The following MCTP1 variants were observed in gnomAD, a reference collection of about 807,000 sequenced individuals.
MCTP1 encodes the protein multiple C2 and transmembrane domain-containing protein 1.
In MCTP1, 69 loss-of-function variants were observed where a neutral mutation model predicts 120.6. That is an observed-to-expected ratio of 0.57 (90% confidence interval 0.47 to 0.70). The LOEUF is 0.70. Ranked by LOEUF, MCTP1 falls within the 30% of genes least tolerant of loss-of-function variation. The pLI is 0.00. For synonymous variants in MCTP1, 529 were observed against 493.1 expected (o/e 1.07, Z -0.96); for missense variants, 1,203 against 1,248.8 (o/e 0.96, Z 0.55).
rs573653605 is a variant in MCTP1 at position 94,847,205 on chromosome 5, C to G, written c.2436+21128G>C. Among the ~76,000 whole-genome samples, 7 of 152,286 alleles carry G rather than the reference C, an allele frequency of 4.6e-5. No homozygotes were observed. The East Asian group carries it at 1.4e-3, about 29-fold the overall frequency. On this transcript the variant is annotated intron_variant, in intron 17 of 22. Transcript: ENST00000515393. ...ATCCCCAGGTGATATGTATGTACAT[C>G]AAAGGCTGAGAAGCACTGTTCTAAG...
At chr5:94,830,457 A>G (rs953728562) in intron 17 of MCTP1, among the ~76,000 whole-genome samples, 15 of 152,214 alleles carry the variant, frequency 9.9e-5, no homozygotes, top group African/African-American at 3.4e-4. Context: ...GAATTTTAGG[A>G]TCTTCTACAG....
chr5:95,005,463 G>A (rs1004336081), intron 2 of MCTP1, among the ~76,000 whole-genome samples: 2 of 152,122 alleles, frequency 1.3e-5, no homozygotes, highest in African/African-American at 4.8e-5. Context: ...TTGGCTCTGT[G>A]TCCCCACCCC....
rs78367067 is a variant in MCTP1 at position 94,982,422 on chromosome 5, A to T, written c.839-29061T>A. On this transcript the variant is annotated intron_variant, in intron 2 of 22. Coordinates refer to ENST00000515393, the MANE Select transcript of MCTP1 (RefSeq NM_024717.7). ...TCGAGCACATAATGAGATAGCCATC[A>T]TTTCAAGCTGGTGGTAAATGTCTTT... is the stretch of plus-strand genomic sequence containing the variant. Among the ~76,000 whole-genome samples the T allele has an allele frequency of 6.1e-4, 93 of 152,282 alleles. 2 individuals are homozygous for T. The East Asian group carries it at 0.013, about 21-fold the overall frequency.
chr5:95,035,367 T>C (rs923931303), intron 1 of MCTP1, among the ~76,000 whole-genome samples: 2 of 152,008 alleles, frequency 1.3e-5, no homozygotes, highest in Non-Finnish European at 2.9e-5. Flanking sequence ...GTACATATAT[T>C]ACATGGAATA....
At chr5:95,210,151 G>A (rs1204382082) in intron 1 of MCTP1, among the ~76,000 whole-genome samples, 1 of 152,172 alleles carries the variant, frequency 6.6e-6, no homozygotes, top group Non-Finnish European at 1.5e-5. Context: ...TGTATATTCT[G>A]TTGATTTGGG....
At position 94,888,952 on chromosome 5, in the gene MCTP1, G is replaced by A. The variant is rs1346692237; in HGVS notation, c.1860C>T (p.His620=). The part of the protein sequence containing the change: ...LKRYSPLRIF[H]NLKDVGFLQV... ...GGAGAAATCCCACATCTTTCAGGTT[G>A]TGAAATATCCTCAATGGGCTCTGAA... Residue 620 remains histidine (H), a synonymous_variant, in exon 12 of 23, where the codon CAC becomes CAT. Coordinates refer to ENST00000515393, the MANE Select transcript of MCTP1 (RefSeq NM_024717.7). The A allele has an allele frequency of 2.5e-6, 4 of 1,613,402 alleles. No homozygotes were observed.
chr5:94,978,705 G>C (rs575095030), intron 2 of MCTP1, among the ~76,000 whole-genome samples: 30 of 152,202 alleles, frequency 2.0e-4, no homozygotes, highest in Non-Finnish European at 3.7e-4. Flanking sequence ...AGTAGGGGTG[G>C]GGAATGGGGT....
intron 17 of MCTP1, among the ~76,000 whole-genome samples, chr5:94,825,735 G>T (rs1371789511): frequency 6.6e-6 from 1 of 150,984 alleles, no homozygotes; most frequent in African/African-American, 2.4e-5. Context: ...TGTATTGGGT[G>T]CATATATATA....
rs140793283 is a variant in MCTP1 at position 95,032,589 on chromosome 5, A to C, written c.721-15105T>G. Among the ~76,000 whole-genome samples, 390 of 152,206 alleles carry C rather than the reference A, an allele frequency of 2.6e-3. 2 individuals are homozygous for C. Among genetic ancestry groups the C allele is most frequent in the African/African-American group, 9.0e-3 (376 of 41,566 alleles). ...CGAACCTCTGGAATACAGCAAAAGC[A>C]GTGGTAAGAGGAAAGTTTGTAGTAA... On this transcript the variant is annotated intron_variant, in intron 1 of 22. Transcript: ENST00000515393.
intron 1 of MCTP1, among the ~76,000 whole-genome samples, chr5:95,151,490 C>G (rs1365343146): frequency 2.0e-5 from 3 of 152,124 alleles, no homozygotes; most frequent in Middle Eastern, 3.4e-3. Context: ...GCAATTCAAA[C>G]CCATGTTCTC....
chr5:94,943,721 GAA>G (rs1304939634), intron 3 of MCTP1, among the ~76,000 whole-genome samples: 2 of 151,914 alleles, frequency 1.3e-5, no homozygotes, highest in Non-Finnish European at 2.9e-5. Flanking sequence ...TTAAGGAAAA[GAA>G]GAGAGAACGA....
intron 1 of MCTP1, among the ~76,000 whole-genome samples, chr5:95,147,054 T>C (rs1328369987): frequency 6.6e-6 from 1 of 152,128 alleles, no homozygotes; most frequent in Non-Finnish European, 1.5e-5. Context: ...ATCTGGGTGC[T>C]ACGATGTTGG....
At chr5:94,775,045 G>T (rs1209919846) in intron 19 of MCTP1, among the ~76,000 whole-genome samples, 1 of 152,082 alleles carries the variant, frequency 6.6e-6, no homozygotes, top group East Asian at 1.9e-4. Context: ...CAGATTTCAA[G>T]AATTAAAGCA....
At chr5:94,832,298 C>G (rs1380737425) in intron 17 of MCTP1, among the ~76,000 whole-genome samples, 1 of 152,052 alleles carries the variant, frequency 6.6e-6, no homozygotes, top group Non-Finnish European at 1.5e-5. Flanking sequence ...CTTCCATTGC[C>G]AAGGGGGTTA....
At position 94,928,209 on chromosome 5, in the gene MCTP1, AACAC is replaced by A. The variant is rs60502360; in HGVS notation, c.1212+3740_1212+3743del. Among the ~76,000 whole-genome samples the A allele has an allele frequency of 8.0e-4, 119 of 148,542 alleles. 1 individual carries two copies. The highest frequency in any genetic ancestry group is 1.4e-3 in the African/African-American group (57 of 40,180). On this transcript the variant is annotated intron_variant, in intron 6 of 22. Coordinates refer to ENST00000515393, the MANE Select transcript of MCTP1 (RefSeq NM_024717.7). ...TGGTAAATTCATTATTCTAGGTTAA[AACAC>A]ACACACACACACACACACACACACA...
At chr5:95,016,402 A>G (rs1013899762) in intron 2 of MCTP1, among the ~76,000 whole-genome samples, 2 of 152,138 alleles carry the variant, frequency 1.3e-5, no homozygotes, top group Non-Finnish European at 2.9e-5. Context: ...CTAGTATTAT[A>G]TTAAATTATT....
At chr5:94,736,351 T>A (rs1436701568) in intron 19 of MCTP1, among the ~76,000 whole-genome samples, 3 of 151,786 alleles carry the variant, frequency 2.0e-5, no homozygotes, top group Admixed American at 1.3e-4. Context: ...GGGCTTGGGG[T>A]GCATGCCTCT....
chr5:95,142,863 T>C (rs1380412519), intron 1 of MCTP1, among the ~76,000 whole-genome samples: 1 of 152,118 alleles, frequency 6.6e-6, no homozygotes, highest in Non-Finnish European at 1.5e-5. Context: ...TGGGAGGAGA[T>C]AAACTATGTA....
intron 1 of MCTP1, among the ~76,000 whole-genome samples, chr5:95,072,341 A>T (rs1752408520): frequency 6.6e-6 from 1 of 152,204 alleles, no homozygotes; most frequent in East Asian, 1.9e-4. Flanking sequence ...GGGGGAATAT[A>T]AACAAGAGCA....
Sources: gnomAD v4.1 joint callset for allele counts (sites outside exome capture counted in the v4.1 genomes callset) on GRCh38, gnomAD v4.1.1 for gene constraint, MANE v1.5 for transcripts, NCBI Gene and HGNC (gene_info 2026-07-23, HGNC 2026-07-21) for gene names.